The following SANBR variants were observed in gnomAD, a reference collection of about 807,000 sequenced individuals.
SANBR encodes SANT and BTB domain regulator of class switch recombination.
SANBR carries 77 observed loss-of-function variants against 101.8 expected under a neutral mutation model. The ratio of observed to expected loss-of-function variants is 0.76; its 90% CI spans 0.63 to 0.91. The LOEUF (loss-of-function observed/expected upper bound fraction) is 0.91, where lower values mean the gene tolerates loss of function less well. Among genes scored for constraint, SANBR ranks in the 40% least tolerant of loss-of-function variants. SANBR has a pLI of 0.00. For missense variants in SANBR, 875 were observed against 853.0 expected (o/e 1.03, Z -0.32); for synonymous variants, 279 against 274.7 (o/e 1.02, Z -0.15).
chr2:61,118,075 T>C lies in SANBR; in HGVS notation c.1987T>C (p.Leu663=), dbSNP rs992785733. ...EITGHLIKMR[L]GDLDRVKSKE... is the part of the protein sequence containing the mutation. ...TACAGGGCACCTAATAAAAATGAGATTGGGGGATCTGGACCGAGTCAAGTC... is the reference window on the plus strand; with the variant it reads ...TACAGGGCACCTAATAAAAATGAGACTGGGGGATCTGGACCGAGTCAAGTC... The change falls in exon 20 of 22, where the codon TTG becomes CTG. Residue 663 remains leucine (L), a synonymous_variant. Coordinates refer to ENST00000402291, the MANE Select transcript of SANBR (RefSeq NM_001129993.3). 6 of 1,613,692 alleles carry C rather than the reference T, an allele frequency of 3.7e-6. No individual in the cohort carries two copies. Among genetic ancestry groups the C allele is most frequent in the Non-Finnish European group, 5.1e-6 (6 of 1,179,826 alleles).
chr2:61,119,311 G>T (rs917497326), intron 20 of SANBR, among the ~76,000 whole-genome samples: 2 of 152,126 alleles, frequency 1.3e-5, no homozygotes, highest in Admixed American at 6.6e-5. Flanking sequence ...GAAAATATTT[G>T]TGACCTTAGG....
intron 11 of SANBR, among the ~76,000 whole-genome samples, chr2:61,097,337 C>T (rs900094680): frequency 2.6e-5 from 4 of 152,106 alleles, no homozygotes; most frequent in South Asian, 4.1e-4. Flanking sequence ...TAGAATTACA[C>T]GCCATAAAAT....
intron 4 of SANBR, 28 bp from the exon 5 acceptor site, chr2:61,073,430 T>C: frequency 8.5e-7 from 1 of 1,173,434 alleles, no homozygotes; most frequent in Non-Finnish European, 1.2e-6. Context: ...CCTTTTTTTT[T>C]TTGTATGTGT....
At chr2:61,076,795 TA>T in intron 5 of SANBR, 124 bp from the exon 6 acceptor site, 1 of 671,432 alleles carries the variant, frequency 1.5e-6, no homozygotes. Flanking sequence ...CAAGACCCTA[TA>T]AAACTGATTT....
intron 7 of SANBR, 59 bp downstream of exon 7, chr2:61,081,569 T>C: frequency 7.0e-7 from 1 of 1,431,906 alleles, no homozygotes; most frequent in Non-Finnish European, 9.3e-7. Flanking sequence ...TTCTTTTCCT[T>C]CAAGTATCTA....
At chr2:61,132,569 G>A (rs950465675) in intron 20 of SANBR, among the ~76,000 whole-genome samples, 4 of 152,178 alleles carry the variant, frequency 2.6e-5, no homozygotes. Context: ...ACTGCTGATG[G>A]GAATGTAAAA....
chr2:61,119,764 C>T (rs1684247135), intron 20 of SANBR, among the ~76,000 whole-genome samples: 1 of 151,822 alleles, frequency 6.6e-6, no homozygotes, highest in Non-Finnish European at 1.5e-5. Context: ...TTGAGACCAG[C>T]CTGGGCGACA....
Position 61,072,176 on chromosome 2 carries a change from C to T in SANBR, c.337+384C>T, listed in dbSNP as rs532403265. Among the ~76,000 whole-genome samples the T allele has an allele frequency of 1.2e-4, 19 of 152,242 alleles. No individual in the cohort carries two copies. In the South Asian group the frequency reaches 3.7e-3, roughly 30 times the overall value. ...CTGGTCTGGAACTCCTGAGCTCAGG[C>T]CATCCGTCCGCCTCAGCTTCCCAAA... is the stretch of plus-strand genomic sequence containing the variant. On this transcript the variant is annotated intron_variant, in intron 4 of 21. Coordinates refer to ENST00000402291, the MANE Select transcript of SANBR (RefSeq NM_001129993.3).
chr2:61,096,496 G>T (rs561936348), intron 11 of SANBR, among the ~76,000 whole-genome samples: 101 of 152,300 alleles, frequency 6.6e-4, no homozygotes, highest in African/African-American at 2.3e-3. Flanking sequence ...GCCCCCAGCT[G>T]CCTAGTCCAG....
intron 12 of SANBR, among the ~76,000 whole-genome samples, chr2:61,100,643 A>C (rs1201877532): frequency 1.3e-5 from 2 of 152,206 alleles, no homozygotes; most frequent in African/African-American, 4.8e-5. Flanking sequence ...ACTTAATTCC[A>C]ATCCAATGCT....
intron 21 of SANBR, among the ~76,000 whole-genome samples, chr2:61,136,405 T>G (rs1573691425): frequency 6.7e-6 from 1 of 149,310 alleles, no homozygotes; most frequent in African/African-American, 2.5e-5. Flanking sequence ...GAGGCCGAGG[T>G]GGGTGGACCA....
chr2:61,124,659 T>C (rs1472904119), downstream of SANBR, among the ~76,000 whole-genome samples: 1 of 151,824 alleles, frequency 6.6e-6, no homozygotes, highest in Non-Finnish European at 1.5e-5. Context: ...TGAGCCATGA[T>C]TGTGCCACTG....
chr2:61,120,366 GGT>G (rs1559144843), intron 20 of SANBR, among the ~76,000 whole-genome samples: 3 of 152,158 alleles, frequency 2.0e-5, no homozygotes, highest in Admixed American at 6.5e-5. Context: ...TGGGCGTGGT[GGT>G]GCAGGCCTGT....
Position 61,074,054 on chromosome 2 carries a change from A to G in SANBR, c.431+503A>G, listed in dbSNP as rs188882403. 2.2e-3 allele frequency among the ~76,000 whole-genome samples: 329 copies of G among 152,332 alleles called. 1 individual carries two copies. The highest frequency in any genetic ancestry group is 4.6e-3 in the South Asian group (22 of 4,834). On this transcript the variant is annotated intron_variant, in intron 5 of 21. Coordinates refer to ENST00000402291, the MANE Select transcript of SANBR (RefSeq NM_001129993.3). ...TAAGTGTTCACTTTGATGAGTTTTG[A>G]AAAATGGATGTACCATATAACCATC...
intron 7 of SANBR, among the ~76,000 whole-genome samples, chr2:61,081,884 A>G (rs1276411885): frequency 6.6e-6 from 1 of 152,168 alleles, no homozygotes; most frequent in Non-Finnish European, 1.5e-5. Flanking sequence ...CCTAATCTCA[A>G]GCAATCCACC....
intron 21 of SANBR, among the ~76,000 whole-genome samples, chr2:61,136,862 T>G (rs1397951701): frequency 1.3e-5 from 2 of 150,586 alleles, no homozygotes; most frequent in East Asian, 3.9e-4. Context: ...TCCCAGCTAC[T>G]TGGGAGGCTG....
Position 61,123,379 on chromosome 2 carries a change from A to T in SANBR, c.*1217A>T. 1.0e-6 allele frequency: 1 copy of T among 983,550 alleles called. No individual in the cohort carries two copies. Among genetic ancestry groups the T allele is most frequent in the Non-Finnish European group, 1.2e-6 (1 of 828,096 alleles). 60.9% of individuals were successfully genotyped at this position (983,550 alleles called of 1,614,324 possible). On this transcript the variant is annotated 3_prime_UTR_variant, in exon 22 of 22. Coordinates refer to ENST00000402291, the MANE Select transcript of SANBR (RefSeq NM_001129993.3). ...CACTCAGTTTACACGTACAGAAATC[A>T]TTCTTTTTAGTGAGTCTTTTAGTTG...
In SANBR at chr2:61,103,884, T is replaced by A; in HGVS notation, c.1397T>A (p.Leu466His). Reference protein sequence around the residue: ...GCKVRDHMVTLRDQGEGGDLP... With the variant: ...GCKVRDHMVTHRDQGEGGDLP... The stretch of plus-strand genomic sequence containing the variant: ...AAAGTGAGGGACCACATGGTTACAC[T>A]TCGTGATCAAGGTGAAGGCGGAGAT... The change falls in exon 13 of 22, where the codon CTT becomes CAT. Residue 466 changes from leucine (L) to histidine (H), a missense_variant. By Grantham distance (99) the Leu-to-His change is moderately conservative. Transcript: ENST00000402291. 5 of 1,614,242 alleles carry A rather than the reference T, an allele frequency of 3.1e-6. No individual in the cohort carries two copies. In the South Asian group the frequency reaches 4.4e-5, roughly 14 times the overall value.
At chr2:61,104,603 C>G (rs1683463329) in intron 13 of SANBR, among the ~76,000 whole-genome samples, 1 of 152,112 alleles carries the variant, frequency 6.6e-6, no homozygotes, top group Non-Finnish European at 1.5e-5. Context: ...ATTGATCAAC[C>G]AGTTGATTGT....
Sources: allele counts gnomAD v4.1 joint callset (sites outside exome capture counted in the v4.1 genomes callset), GRCh38; gene constraint gnomAD v4.1.1; transcripts MANE v1.5; gene names NCBI Gene and HGNC (gene_info 2026-07-23, HGNC 2026-07-21).